Variants in ST3GAL4 observed in about 807,000 individuals in gnomAD.
ST3GAL4 encodes the protein CMP-N-acetylneuraminate-beta-galactosamide-alpha-2,3-sialyltransferase 4.
Under a neutral mutation model 42.6 loss-of-function variants are expected in ST3GAL4, and 24 were observed. That is an observed-to-expected ratio of 0.56 (90% CI 0.41 to 0.79). The LOEUF is 0.79. Among genes scored for constraint, ST3GAL4 ranks in the 30% least tolerant of loss-of-function variants. The pLI is 0.00. For missense variants in ST3GAL4, 311 were observed against 430.8 expected (o/e 0.72, Z 2.46); for synonymous variants, 135 against 163.2 (o/e 0.83, Z 1.32).
In ST3GAL4 at chr11:126,357,827, G is replaced by A. The variant is rs187145784; in HGVS notation, c.-61+1985G>A. ...CGTTCTCTGGGTCTCTCCTCAGAGA[G>A]GCTGCTCCTGGGGTTGTCCCAATGG... is the stretch of plus-strand genomic sequence containing the variant. On this transcript the variant is annotated intron_variant, in intron 1 of 10. Coordinates refer to ENST00000444328, the MANE Select transcript of ST3GAL4 (RefSeq NM_001254757.2). 2.6e-5 allele frequency among the ~76,000 whole-genome samples: 4 copies of A among 152,366 alleles called. No individual in the cohort carries two copies. In the East Asian group the frequency reaches 7.7e-4, roughly 29 times the overall value.
rs139495530 is a variant in ST3GAL4, at chr11:126,407,162, G to A, written c.183-90G>A. The A allele has an allele frequency of 3.8e-4, 568 of 1,499,968 alleles. 2 individuals carry two copies. In the East Asian group the frequency reaches 0.01, roughly 27 times the overall value. 92.9% of individuals were successfully genotyped at this position (1,499,968 alleles called of 1,614,324 possible). ...GGTGAAGCCAGGGAGGGAAGAGAAG[G>A]CCTTATAATATTAGTCATGGGCCTA... is the stretch of plus-strand genomic sequence containing the variant. On this transcript the variant is annotated intron_variant, in intron 4 of 10. Transcript: ENST00000444328.
intron 1 of ST3GAL4, among the ~76,000 whole-genome samples, chr11:126,361,443 G>A (rs140035790): frequency 4.0e-5 from 6 of 150,178 alleles, no homozygotes; most frequent in African/African-American, 1.5e-4. Context: ...GTAGCATGCC[G>A]TGTGGGGTCT....
chr11:126,380,394 G>A (rs1031010193), intron 1 of ST3GAL4, among the ~76,000 whole-genome samples: 6 of 152,110 alleles, frequency 3.9e-5, no homozygotes, highest in African/African-American at 1.4e-4. Context: ...TTGCAGTATT[G>A]AGTCACATCA....
chr11:126,403,971 C>T (rs533409883), intron 1 of ST3GAL4, among the ~76,000 whole-genome samples: 2 of 152,302 alleles, frequency 1.3e-5, no homozygotes, highest in South Asian at 2.1e-4. Flanking sequence ...AATCACCCAG[C>T]GGGCTTCAGC....
intron 1 of ST3GAL4, among the ~76,000 whole-genome samples, chr11:126,380,919 A>C (rs1344603867): frequency 6.6e-6 from 1 of 152,240 alleles, no homozygotes; most frequent in Non-Finnish European, 1.5e-5. Flanking sequence ...GTGAGCACAC[A>C]ACAGCCTTTT....
chr11:126,364,677 C>T (rs1488909308), intron 1 of ST3GAL4, among the ~76,000 whole-genome samples: 1 of 148,674 alleles, frequency 6.7e-6, no homozygotes, highest in Non-Finnish European at 1.5e-5. Flanking sequence ...CAGGCCCCAG[C>T]CCTGGTTCCA....
chr11:126,369,934 A>G (rs1448878450), intron 1 of ST3GAL4, among the ~76,000 whole-genome samples: 2 of 152,204 alleles, frequency 1.3e-5, no homozygotes, highest in East Asian at 3.9e-4. Context: ...TGCCTTTTAC[A>G]TCTTAATATT....
Position 126,411,901 on chromosome 11 carries a change from C to T in ST3GAL4, c.772-1604C>T, listed in dbSNP as rs1480013072. On this transcript the variant is annotated intron_variant, in intron 9 of 10. Coordinates refer to ENST00000444328, the MANE Select transcript of ST3GAL4 (RefSeq NM_001254757.2). This position sits in a 1 kb window ranked among gnomAD's most constrained non-coding sequence, Gnocchi z 6.3. The stretch of plus-strand genomic sequence containing the variant: ...GGTCAAGCTCAGCAGGACAGCCTCT[C>T]CTTTTGTGTTCAACTGTGCCATATA... 6.6e-6 allele frequency among the ~76,000 whole-genome samples: 1 copy of T among 152,148 alleles called. No individual in the cohort carries two copies. The highest frequency in any genetic ancestry group is 1.9e-4 in the East Asian group (1 of 5,200).
intron 4 of ST3GAL4, 74 bp from the exon 5 acceptor site, chr11:126,407,178 C>A: frequency 6.5e-7 from 1 of 1,548,412 alleles, no homozygotes; most frequent in Non-Finnish European, 8.9e-7. Flanking sequence ...TAATATTAGT[C>A]ATGGGCCTAA....
intron 1 of ST3GAL4, chr11:126,403,318 TC>T (rs1193021391): frequency 1.1e-6 from 1 of 911,146 alleles, no homozygotes; most frequent in African/African-American, 1.8e-5. Context: ...GTCTTGTTGT[TC>T]AAGACTGGTT....
In ST3GAL4 at chr11:126,391,436, G is replaced by A. The variant is rs962403706; in HGVS notation, c.-60-14660G>A. Among the ~76,000 whole-genome samples the A allele has an allele frequency of 8.5e-5, 13 of 152,136 alleles. No homozygotes were observed. Among genetic ancestry groups the A allele is most frequent in the African/African-American group, 2.9e-4 (12 of 41,422 alleles). On this transcript the variant is annotated intron_variant, in intron 1 of 10. Transcript: ENST00000444328. The surrounding 1 kb of genome is among the most constrained non-coding windows in gnomAD (Gnocchi z 5.5). ...TGTTCTGGAGTGGGGGTGCTGTTTC[G>A]GAGAGCGATGAATCAGGGGCTTGGG... is the stretch of plus-strand genomic sequence containing the variant.
At position 126,363,498 on chromosome 11, in the gene ST3GAL4, T is replaced by C. The variant is rs1952319753; in HGVS notation, c.-61+7656T>C. On this transcript the variant is annotated intron_variant, in intron 1 of 10. Coordinates refer to ENST00000444328, the MANE Select transcript of ST3GAL4 (RefSeq NM_001254757.2). The surrounding 1 kb of genome is among the most constrained non-coding windows in gnomAD (Gnocchi z 4.6). The stretch of plus-strand genomic sequence containing the variant: ...TGGGAGCAGGAGTCAGCTCCTCCTG[T>C]TGGCAGCTCCAGCATTTTCGAACAA... Among the ~76,000 whole-genome samples the C allele has an allele frequency of 6.6e-6, 1 of 152,188 alleles. No homozygotes were observed.
chr11:126,409,547 T>A lies in ST3GAL4; in HGVS notation c.771+136T>A. On this transcript the variant is annotated intron_variant, in intron 9 of 10. Transcript: ENST00000444328. The surrounding 1 kb of genome is among the most constrained non-coding windows in gnomAD (Gnocchi z 4.9). ...TGCATTTTCCCTCCAGGAACACACCTGTCATTAAAGTTGCTGCTGCAAAGG... is the reference window on the plus strand; with the variant it reads ...TGCATTTTCCCTCCAGGAACACACCAGTCATTAAAGTTGCTGCTGCAAAGG... The A allele has an allele frequency of 8.1e-7, 1 of 1,236,198 alleles. No homozygotes were observed. The highest frequency in any genetic ancestry group is 1.1e-6 in the Non-Finnish European group (1 of 885,486). 76.6% of individuals were successfully genotyped at this position (1,236,198 alleles called of 1,614,324 possible). A position where few individuals can be genotyped will look rare whatever the true frequency, so the allele number is the denominator to read the frequency against.
chr11:126,391,128 G>A lies in ST3GAL4; in HGVS notation c.-60-14968G>A, dbSNP rs1953497052. On this transcript the variant is annotated intron_variant, in intron 1 of 10. Transcript: ENST00000444328. The surrounding 1 kb of genome is among the most constrained non-coding windows in gnomAD (Gnocchi z 5.5). The stretch of plus-strand genomic sequence containing the variant: ...TTGCTTCCACATTAGCTATTGCAAA[G>A]TCAATAATGCTGCTGTGACCACGGG... 1.3e-5 allele frequency among the ~76,000 whole-genome samples: 2 copies of A among 152,156 alleles called. No individual in the cohort carries two copies. The highest frequency in any genetic ancestry group is 4.1e-4 in the South Asian group (2 of 4,832).
At position 126,406,399 on chromosome 11, in the gene ST3GAL4, G is replaced by A; in HGVS notation, c.17-74G>A. On this transcript the variant is annotated intron_variant, in intron 2 of 10. Transcript: ENST00000444328. This position sits in a 1 kb window ranked among gnomAD's most constrained non-coding sequence, Gnocchi z 5.4. ...TAGGGGTCGGAGGGACTCAGAAGGG[G>A]GCAGGTGGGAAGGTGGACGGGGGTT... 7 of 1,610,316 alleles carry A rather than the reference G, an allele frequency of 4.3e-6. No homozygotes were observed. The South Asian group carries it at 6.6e-5, about 15-fold the overall frequency.
chr11:126,374,139 G>T (rs986705233), intron 1 of ST3GAL4, among the ~76,000 whole-genome samples: 31 of 151,930 alleles, frequency 2.0e-4, no homozygotes, highest in African/African-American at 7.5e-4. Context: ...TTGCTGGGAA[G>T]TAGAGAAGCT....
At position 126,366,739 on chromosome 11, in the gene ST3GAL4, C is replaced by T. The variant is rs1009837146; in HGVS notation, c.-61+10897C>T. ...CAAGCACCAGGCTGACCATGGTGTCCGTCTCAGTGCCCAGCAGATGTTCTG... is the reference window on the plus strand; with the variant it reads ...CAAGCACCAGGCTGACCATGGTGTCTGTCTCAGTGCCCAGCAGATGTTCTG... On this transcript the variant is annotated intron_variant, in intron 1 of 10. Coordinates refer to ENST00000444328, the MANE Select transcript of ST3GAL4 (RefSeq NM_001254757.2). This position sits in a 1 kb window ranked among gnomAD's most constrained non-coding sequence, Gnocchi z 4.2. Among the ~76,000 whole-genome samples the T allele has an allele frequency of 1.9e-4, 29 of 152,154 alleles. 1 individual carries two copies. The highest frequency in any genetic ancestry group is 1.4e-3 in the Admixed American group (22 of 15,272).
chr11:126,394,728 G>A (rs1953665210), intron 1 of ST3GAL4, among the ~76,000 whole-genome samples: 1 of 151,566 alleles, frequency 6.6e-6, no homozygotes. Context: ...CCCTGCCCTG[G>A]GTATGATTTT....
At chr11:126,372,030 T>C (rs1952672395) in intron 1 of ST3GAL4, among the ~76,000 whole-genome samples, 1 of 152,258 alleles carries the variant, frequency 6.6e-6, no homozygotes, top group East Asian at 1.9e-4. Flanking sequence ...TTGATTGTTT[T>C]GGTGGTGGTT....
Sources: gnomAD v4.1 joint callset for allele counts (sites outside exome capture counted in the v4.1 genomes callset) on GRCh38, gnomAD v4.1.1 for gene constraint, Gnocchi (gnomAD v3.1) non-coding constraint, MANE v1.5 for transcripts, NCBI Gene and HGNC (gene_info 2026-07-23, HGNC 2026-07-21) for gene names.